LYPLAL1: variants seen among roughly 807,000 people sequenced by gnomAD.
LYPLAL1 encodes lysophospholipase like 1.
In LYPLAL1, 23 loss-of-function variants were observed where a neutral mutation model predicts 19.7. That is an observed-to-expected ratio of 1.17 (90% CI 0.84 to 1.65). The LOEUF is 1.65. Ranked by LOEUF, LYPLAL1 falls within the 40% of genes most tolerant of loss-of-function variation. The pLI, the probability that LYPLAL1 is intolerant of heterozygous loss-of-function variation, is 0.00. For synonymous variants in LYPLAL1, 119 were observed against 96.3 expected, an observed-to-expected ratio of 1.24 and a Z score of -1.38; for missense variants, 355 against 279.4, an observed-to-expected ratio of 1.27 and a Z score of -1.93.
the LYPLAL1 span, among the ~76,000 whole-genome samples, chr1:219,264,290 G>A: frequency 6.6e-6 from 1 of 152,148 alleles, no homozygotes; most frequent in Non-Finnish European, 1.5e-5. Context: ...GTGGACAGAG[G>A]AATTTAAGTA....
At chr1:219,394,924 CCTCTAG>C in the LYPLAL1 span, among the ~76,000 whole-genome samples, 3 of 152,182 alleles carry the variant, frequency 2.0e-5, no homozygotes, top group African/African-American at 4.8e-5. Context: ...AGGATAATGG[CCTCTAG>C]CTCATTCATG....
the LYPLAL1 span, among the ~76,000 whole-genome samples, chr1:219,294,742 T>A: frequency 6.6e-6 from 1 of 152,154 alleles, no homozygotes; most frequent in South Asian, 2.1e-4. Context: ...AGACTCTGGA[T>A]GGAAATTAGC....
chr1:219,176,079 A>AG (rs1655787099), intron 1 of LYPLAL1, among the ~76,000 whole-genome samples: 1 of 152,228 alleles, frequency 6.6e-6, no homozygotes, highest in African/African-American at 2.4e-5. Context: ...TAAAAGCTTG[A>AG]GATTTTCTTC....
the LYPLAL1 span, among the ~76,000 whole-genome samples, chr1:219,439,582 T>G: frequency 3.3e-5 from 5 of 152,128 alleles, no homozygotes; most frequent in African/African-American, 4.8e-5. Context: ...ACCACAATAT[T>G]AGATATATCA....
chr1:219,361,531 C>A, the LYPLAL1 span, among the ~76,000 whole-genome samples: 2 of 152,060 alleles, frequency 1.3e-5, no homozygotes, highest in Non-Finnish European at 2.9e-5. Flanking sequence ...ATGTGCTTTA[C>A]CTTGCACTTT....
chr1:219,186,519 G>A (rs1220288599), intron 2 of LYPLAL1, among the ~76,000 whole-genome samples: 1 of 121,796 alleles, frequency 8.2e-6, no homozygotes, highest in Non-Finnish European at 1.8e-5. Context: ...GCATATTCAT[G>A]TAGTAATATT....
chr1:219,441,509 T>G, the LYPLAL1 span, among the ~76,000 whole-genome samples: 1 of 152,232 alleles, frequency 6.6e-6, no homozygotes, highest in Admixed American at 6.5e-5. Flanking sequence ...CTTATTATGC[T>G]ATTCTCTATA....
the LYPLAL1 span, among the ~76,000 whole-genome samples, chr1:219,316,412 A>G: frequency 6.6e-6 from 1 of 152,138 alleles, no homozygotes; most frequent in Non-Finnish European, 1.5e-5. Context: ...GTTTTCTTGT[A>G]GTGTCTTGTC....
At chr1:219,190,454 T>G (rs1174417753) in intron 2 of LYPLAL1, among the ~76,000 whole-genome samples, 1 of 151,374 alleles carries the variant, frequency 6.6e-6, no homozygotes, top group Non-Finnish European at 1.5e-5. Flanking sequence ...CCCCCAAAAT[T>G]CAAGGCTTAG....
At chr1:219,180,538 G>T (rs1386686997) in intron 2 of LYPLAL1, among the ~76,000 whole-genome samples, 1 of 152,148 alleles carries the variant, frequency 6.6e-6, no homozygotes, top group Non-Finnish European at 1.5e-5. Context: ...CTAGTTAAAA[G>T]ACCCAATCAC....
At chr1:219,192,564 G>T (rs1572177734) in intron 2 of LYPLAL1, among the ~76,000 whole-genome samples, 1 of 151,544 alleles carries the variant, frequency 6.6e-6, no homozygotes, top group Non-Finnish European at 1.5e-5. Flanking sequence ...GAAAACATTT[G>T]TTCTCTGTGT....
chr1:219,246,169 T>C, the LYPLAL1 span, among the ~76,000 whole-genome samples: 3 of 152,110 alleles, frequency 2.0e-5, no homozygotes, highest in African/African-American at 4.8e-5. Context: ...AATGGAGTTA[T>C]CTGATTGGCA....
the LYPLAL1 span, among the ~76,000 whole-genome samples, chr1:219,323,096 T>G: frequency 2.0e-5 from 3 of 152,226 alleles, no homozygotes; most frequent in African/African-American, 4.8e-5. Flanking sequence ...CTAACTGAAC[T>G]GTTAAATGTA....
the LYPLAL1 span, among the ~76,000 whole-genome samples, chr1:219,219,302 A>G: frequency 3.3e-5 from 5 of 152,218 alleles, no homozygotes; most frequent in Admixed American, 3.3e-4. Flanking sequence ...TGAATAACCA[A>G]GGTAAGCCTC....
the LYPLAL1 span, among the ~76,000 whole-genome samples, chr1:219,333,269 C>G: frequency 2.0e-5 from 3 of 152,182 alleles, no homozygotes; most frequent in African/African-American, 7.2e-5. Flanking sequence ...ATTCCAGGAA[C>G]TAGGACACTG....
At chr1:219,360,396 C>T in the LYPLAL1 span, among the ~76,000 whole-genome samples, 1 of 152,094 alleles carries the variant, frequency 6.6e-6, no homozygotes, top group African/African-American at 2.4e-5. Flanking sequence ...CTCAGGCTTG[C>T]CTTCAAAATC....
At chr1:219,243,833 C>T in the LYPLAL1 span, among the ~76,000 whole-genome samples, 6 of 150,420 alleles carry the variant, frequency 4.0e-5, no homozygotes, top group African/African-American at 4.9e-5. Context: ...ACAGGAGAAT[C>T]GCTTGAACCT....
intron 3 of LYPLAL1, among the ~76,000 whole-genome samples, chr1:219,207,958 TTC>T (rs1426458606): frequency 6.6e-6 from 1 of 152,048 alleles, no homozygotes; most frequent in Non-Finnish European, 1.5e-5. Flanking sequence ...TCTTTTTTTA[TTC>T]TCTGTGTCTC....
the LYPLAL1 span, among the ~76,000 whole-genome samples, chr1:219,257,829 T>G: frequency 6.6e-6 from 1 of 151,942 alleles, no homozygotes; most frequent in South Asian, 2.1e-4. Flanking sequence ...GGGTGGGGTT[T>G]TTCCTCACCC....
Sources: gnomAD v4.1 joint callset for allele counts (sites outside exome capture counted in the v4.1 genomes callset) on GRCh38, gnomAD v4.1.1 for gene constraint, MANE v1.5 for transcripts, NCBI Gene and HGNC (gene_info 2026-07-23, HGNC 2026-07-21) for gene names.